The following PLEKHH1 variants were observed in gnomAD, a reference collection of about 807,000 sequenced individuals.
The protein encoded by PLEKHH1 is pleckstrin homology domain-containing family H member 1.
In PLEKHH1, 104 loss-of-function variants were observed where a neutral mutation model predicts 160.0. That is an observed-to-expected ratio of 0.65 (90% CI 0.55 to 0.76). The LOEUF (loss-of-function observed/expected upper bound fraction) is 0.76. Ranked by LOEUF, PLEKHH1 falls within the 30% of genes least tolerant of loss-of-function variation. The pLI is 0.00. For missense variants in PLEKHH1, 1,427 were observed against 1,724.1 expected, an observed-to-expected ratio of 0.83 and a Z score of 3.05; for synonymous variants, 619 against 678.4, an observed-to-expected ratio of 0.91 and a Z score of 1.36.
chr14:67,552,186 C>A (rs761209301), intron 2 of PLEKHH1, among the ~76,000 whole-genome samples: 8 of 152,194 alleles, frequency 5.3e-5, no homozygotes, highest in Non-Finnish European at 5.9e-5. Context: ...GCCACCTAAA[C>A]CTGACACCTC....
chr14:67,557,260 A>G lies in PLEKHH1; in HGVS notation c.190-9A>G, dbSNP rs1309947363. On this transcript the variant is annotated splice_polypyrimidine_tract_variant and intron_variant, in intron 3 of 28. Coordinates refer to ENST00000329153, the MANE Select transcript of PLEKHH1 (RefSeq NM_020715.3). ...TGGGAAGACACTATGAGATCATTGT[A>G]CTTTTCAGGTGGGTGTCATGGAAGA... is the stretch of plus-strand genomic sequence containing the variant. The G allele has an allele frequency of 6.2e-7, 1 of 1,612,888 alleles. No homozygotes were observed.
chr14:67,572,073 C>T, intron 10 of PLEKHH1, 62 bp from the exon 11 acceptor site: 1 of 1,554,272 alleles, frequency 6.4e-7, no homozygotes, highest in Non-Finnish European at 8.7e-7. Context: ...CTCAGCAGCT[C>T]CTGGGCTGCG....
chr14:67,583,436 G>A (rs540568747), intron 24 of PLEKHH1, among the ~76,000 whole-genome samples: 1 of 152,134 alleles, frequency 6.6e-6, no homozygotes. Flanking sequence ...TTTTGGACTG[G>A]AAGCCAGAAT....
At chr14:67,570,279 C>T (rs1287935062) in intron 9 of PLEKHH1, 2 of 963,226 alleles carry the variant, frequency 2.1e-6, no homozygotes, top group East Asian at 1.1e-4. Flanking sequence ...CACCTTTTCT[C>T]ATGTCTGCCT....
In PLEKHH1 at chr14:67,574,299, G is replaced by C; in HGVS notation, c.1984G>C (p.Glu662Gln). 1 of 1,607,460 alleles carries C rather than the reference G, an allele frequency of 6.2e-7. No individual in the cohort carries two copies. The highest frequency in any genetic ancestry group is 1.1e-5 in the South Asian group (1 of 89,508). ...LTADSPSLLE[E>Q]WIRVLQSLLK... ...GGCCGATTCACCCAGCCTGCTGGAGGAGTGGATCCGAGTACTCCAGAGCCT... is the reference window on the plus strand; with the variant it reads ...GGCCGATTCACCCAGCCTGCTGGAGCAGTGGATCCGAGTACTCCAGAGCCT... Residue 662 changes from glutamate (E) to glutamine (Q), a missense_variant, in exon 14 of 29, where the codon GAG becomes CAG. Physicochemically the swap from Glu to Gln is conservative, Grantham distance 29 (BLOSUM62 2). Coordinates refer to ENST00000329153, the MANE Select transcript of PLEKHH1 (RefSeq NM_020715.3). This position sits in a 1 kb window ranked among gnomAD's most constrained non-coding sequence, Gnocchi z 4.2.
chr14:67,551,750 G>A (rs2034399990), intron 2 of PLEKHH1, among the ~76,000 whole-genome samples: 1 of 152,096 alleles, frequency 6.6e-6, no homozygotes, highest in Admixed American at 6.5e-5. Context: ...TTAGCCAGGC[G>A]TGGTGGTGCA....
chr14:67,535,037 G>A (rs150837084), intron 1 of PLEKHH1, among the ~76,000 whole-genome samples: 19 of 152,328 alleles, frequency 1.2e-4, no homozygotes, highest in East Asian at 9.6e-4. Flanking sequence ...GTTATAAAGC[G>A]TGCAGAGAAA....
At chr14:67,572,007 C>G in intron 10 of PLEKHH1, 105 bp downstream of exon 10, 1 of 1,480,226 alleles carries the variant, frequency 6.8e-7, no homozygotes, top group Admixed American at 2.0e-5. Context: ...AGCTCGTGAC[C>G]CCCCAGCAGC....
chr14:67,580,642 C>G (rs1785041721), intron 22 of PLEKHH1, among the ~76,000 whole-genome samples: 2 of 152,344 alleles, frequency 1.3e-5, no homozygotes, highest in Admixed American at 1.3e-4. Context: ...GGAAATGGAG[C>G]TGGTGTTCGA....
rs376732418 is a variant in PLEKHH1, at chr14:67,549,266, ATTT to A, written c.127-6556_127-6554del. Reference sequence around the variant, plus strand: ...GTGCGTGTGTGTGTGTGTAAAAGAGATTTTTAATTTTTTTTTTTTTTTGAGACA... The same window carrying A: ...GTGCGTGTGTGTGTGTGTAAAAGAGATTAATTTTTTTTTTTTTTTGAGACA... On this transcript the variant is annotated intron_variant, in intron 2 of 28. Coordinates refer to ENST00000329153, the MANE Select transcript of PLEKHH1 (RefSeq NM_020715.3). 7.3e-3 allele frequency among the ~76,000 whole-genome samples: 1,090 copies of A among 149,568 alleles called. 13 individuals are homozygous for A. Among genetic ancestry groups the A allele is most frequent in the African/African-American group, 0.025 (1,027 of 40,556 alleles).
At position 67,569,910 on chromosome 14, in the gene PLEKHH1, TC is replaced by T; in HGVS notation, c.1343-8del. ...CCCTTGAGTAATCTCATTCCTCTCT[TC>T]CCTGCTCAGCTTCAAGCCCTCCTGC... On this transcript the variant is annotated splice_polypyrimidine_tract_variant and intron_variant, in intron 8 of 28. Coordinates refer to ENST00000329153, the MANE Select transcript of PLEKHH1 (RefSeq NM_020715.3). 1 of 1,580,978 alleles carries T rather than the reference TC, an allele frequency of 6.3e-7. No homozygotes were observed. Among genetic ancestry groups the T allele is most frequent in the Non-Finnish European group, 8.7e-7 (1 of 1,153,772 alleles).
chr14:67,587,006 ATAAG>A (rs1432156296), intron 28 of PLEKHH1, 64 bp from the exon 29 acceptor site: 17 of 1,528,042 alleles, frequency 1.1e-5, no homozygotes, highest in Non-Finnish European at 1.3e-5. Flanking sequence ...ATAAGAGCTA[ATAAG>A]TAAGAAAGCC....
At chr14:67,572,420 G>C (rs2035434133) in intron 11 of PLEKHH1, 143 bp downstream of exon 11, 1 of 646,986 alleles carries the variant, frequency 1.5e-6, no homozygotes, top group Non-Finnish European at 2.6e-6. Flanking sequence ...CGTGGGCTGG[G>C]GGGGTGTACA....
intron 21 of PLEKHH1, 50 bp downstream of exon 21, chr14:67,579,361 C>G: frequency 7.3e-7 from 1 of 1,374,908 alleles, no homozygotes; most frequent in Non-Finnish European, 9.7e-7. Flanking sequence ...CGTCACCATC[C>G]AGAGAATACC....
At chr14:67,563,618 A>G (rs923460530) in intron 7 of PLEKHH1, among the ~76,000 whole-genome samples, 25 of 150,302 alleles carry the variant, frequency 1.7e-4, no homozygotes, top group African/African-American at 6.2e-4. Context: ...TTTTTAGTAG[A>G]GGCAGGGTTT....
At position 67,573,249 on chromosome 14, in the gene PLEKHH1, C is replaced by CT. The variant is rs763879399; in HGVS notation, c.1729-25dup. ...AGGAGCCCTGAGTGATTTCCCCTTT[C>CT]TTCATCTACACCCTTCCACCCCTCA... is the stretch of plus-strand genomic sequence containing the variant. On this transcript the variant is annotated intron_variant, in intron 11 of 28. Transcript: ENST00000329153. This position sits in a 1 kb window ranked among gnomAD's most constrained non-coding sequence, Gnocchi z 4.8. 3 of 1,440,402 alleles carry CT rather than the reference C, an allele frequency of 2.1e-6. No homozygotes were observed. Among genetic ancestry groups the CT allele is most frequent in the Non-Finnish European group, 2.0e-6 (2 of 1,024,990 alleles). The allele number at this position is 1,440,402 out of a possible 1,614,324, so 89.2% of individuals were successfully genotyped here.
Position 67,573,887 on chromosome 14 carries a change from G to A in PLEKHH1, c.1926G>A (p.Gln642=). 6.2e-7 allele frequency: 1 copy of A among 1,608,076 alleles called. No homozygotes were observed. Residue 642 remains glutamine (Q), a splice_region_variant and synonymous_variant, in exon 13 of 29, where the codon CAG becomes CAA. Coordinates refer to ENST00000329153, the MANE Select transcript of PLEKHH1 (RefSeq NM_020715.3). The surrounding 1 kb of genome is among the most constrained non-coding windows in gnomAD (Gnocchi z 4.8). ...IVRGEGSQTF[Q]LISEKKTYYL... ...GAGGGGAGGGTTCACAGACGTTTCA[G>A]GTGAGCACGCTCCTGGCTGCTAGTA... is the stretch of plus-strand genomic sequence containing the variant.
In PLEKHH1 at chr14:67,571,846, C is replaced by T. The variant is rs2035391225; in HGVS notation, c.1529C>T (p.Pro510Leu). The change falls in exon 10 of 29, where the codon CCC becomes CTC. Residue 510 changes from proline to leucine, a missense_variant. By Grantham distance (98) the Pro-to-Leu change is moderately conservative (BLOSUM62 -3). Coordinates refer to ENST00000329153, the MANE Select transcript of PLEKHH1 (RefSeq NM_020715.3). ...SSQASFRISVPSSESRKTSGL... is the reference protein window; with the variant it reads ...SSQASFRISVLSSESRKTSGL... Reference sequence around the variant, plus strand: ...CAGGCGAGTTTCCGAATCTCGGTCCCCTCCTCTGAGTCCAGGAAGACCAGC... The same window carrying T: ...CAGGCGAGTTTCCGAATCTCGGTCCTCTCCTCTGAGTCCAGGAAGACCAGC... The T allele has an allele frequency of 1.9e-6, 3 of 1,613,840 alleles. No homozygotes were observed. The highest frequency in any genetic ancestry group is 2.5e-6 in the Non-Finnish European group (3 of 1,179,822).
rs574460132 is a variant in PLEKHH1, at chr14:67,567,476, G to A, written c.1264-1662G>A. Among the ~76,000 whole-genome samples the A allele has an allele frequency of 1.1e-4, 17 of 152,166 alleles. No homozygotes were observed. In the South Asian group the frequency reaches 3.5e-3, roughly 32 times the overall value. ...AGGCTTGTCCTTGGTTAAATTCCAT[G>A]ACCACTCTGGGCAGAAATAATCCTT... On this transcript the variant is annotated intron_variant, in intron 7 of 28. Coordinates refer to ENST00000329153, the MANE Select transcript of PLEKHH1 (RefSeq NM_020715.3).
Sources: allele counts gnomAD v4.1 joint callset (sites outside exome capture counted in the v4.1 genomes callset), GRCh38; gene constraint gnomAD v4.1.1; non-coding constraint Gnocchi (gnomAD v3.1); transcripts MANE v1.5; gene names NCBI Gene and HGNC (gene_info 2026-07-23, HGNC 2026-07-21).